The following RAB27B variants were observed in gnomAD, a reference collection of about 807,000 sequenced individuals.
The protein encoded by RAB27B is ras-related protein Rab-27B.
Under a neutral mutation model 24.6 loss-of-function variants are expected in RAB27B, and 15 were observed. That is an observed-to-expected ratio of 0.61 (90% CI 0.41 to 0.94). The LOEUF is 0.94. Ranked by LOEUF, RAB27B falls within the 40% of genes least tolerant of loss-of-function variation. The pLI is 0.00. For missense variants in RAB27B, 261 were observed against 266.8 expected, an observed-to-expected ratio of 0.98 and a Z score of 0.15; for synonymous variants, 105 against 92.5, an observed-to-expected ratio of 1.14 and a Z score of -0.78.
chr18:54,739,346 C>G (rs1357710277), intron 2 of RAB27B, among the ~76,000 whole-genome samples: 1 of 150,962 alleles, frequency 6.6e-6, no homozygotes, highest in African/African-American at 2.4e-5. Context: ...ATCCCATCTA[C>G]TTGGGATGCT....
chr18:54,887,865 C>A, intron 4 of RAB27B, 130 bp from the exon 5 acceptor site: 1 of 1,031,868 alleles, frequency 9.7e-7, no homozygotes, highest in Non-Finnish European at 1.4e-6. Context: ...GAGGAAGTAA[C>A]TTGGCCAATA....
rs373986297 is a variant in RAB27B, at chr18:54,894,698, G to A, written c.*5285G>A. On this transcript the variant is annotated 3_prime_UTR_variant, in exon 6 of 6. Coordinates refer to ENST00000262094, the MANE Select transcript of RAB27B (RefSeq NM_004163.4). Reference sequence around the variant, plus strand: ...TGTTTATATGTGCTTCACAGAGTTCGTGTCAGGCTCAAAGGAGATATGTAT... The same window carrying A: ...TGTTTATATGTGCTTCACAGAGTTCATGTCAGGCTCAAAGGAGATATGTAT... 6 of 152,002 alleles carry A rather than the reference G, an allele frequency of 3.9e-5. No individual in the cohort carries two copies. Among genetic ancestry groups the A allele is most frequent in the African/African-American group, 1.2e-4 (5 of 41,410 alleles). 9.4% of individuals were successfully genotyped at this position (152,002 alleles called of 1,614,324 possible).
intron 2 of RAB27B, among the ~76,000 whole-genome samples, chr18:54,814,655 T>C (rs941863155): frequency 6.6e-6 from 1 of 152,186 alleles, no homozygotes; most frequent in African/African-American, 2.4e-5. Context: ...GCAAGGTTTG[T>C]TAAGCATATA....
chr18:54,747,003 T>C (rs1184572226), intron 2 of RAB27B, among the ~76,000 whole-genome samples: 1 of 152,190 alleles, frequency 6.6e-6, no homozygotes. Context: ...ATTTAATGTT[T>C]CCCTGTAAAT....
intron 1 of RAB27B, among the ~76,000 whole-genome samples, chr18:54,839,423 G>C (rs899768093): frequency 3.3e-5 from 5 of 152,136 alleles, no homozygotes; most frequent in African/African-American, 4.8e-5. Flanking sequence ...AGATGAAAGA[G>C]AGTTAAAGTA....
At chr18:54,762,895 T>A (rs897816344) in intron 2 of RAB27B, among the ~76,000 whole-genome samples, 2 of 152,120 alleles carry the variant, frequency 1.3e-5, no homozygotes, top group Admixed American at 6.5e-5. Context: ...TGCTCCTATA[T>A]CCCTCACACC....
intron 2 of RAB27B, among the ~76,000 whole-genome samples, chr18:54,735,379 T>C (rs1909856567): frequency 6.6e-6 from 1 of 152,192 alleles, no homozygotes. Context: ...GTAACTACAC[T>C]TTCTGAGGCT....
At chr18:54,769,386 A>T (rs1323447356) in intron 2 of RAB27B, among the ~76,000 whole-genome samples, 2 of 152,002 alleles carry the variant, frequency 1.3e-5, no homozygotes, top group Non-Finnish European at 2.9e-5. Context: ...TTTTTAAAGT[A>T]TATTTCTTCA....
At chr18:54,762,373 A>G (rs1908218228) in intron 2 of RAB27B, among the ~76,000 whole-genome samples, 1 of 152,152 alleles carries the variant, frequency 6.6e-6, no homozygotes, top group Non-Finnish European at 1.5e-5. Flanking sequence ...AATTTTTAGT[A>G]GAGACGAGGT....
chr18:54,763,693 T>C (rs1598886619), intron 2 of RAB27B, among the ~76,000 whole-genome samples: 1 of 152,178 alleles, frequency 6.6e-6, no homozygotes, highest in African/African-American at 2.4e-5. Context: ...GCCATTTGAA[T>C]GTATTTGAAA....
chr18:54,734,147 G>C (rs1208594472), intron 2 of RAB27B, among the ~76,000 whole-genome samples: 2 of 152,064 alleles, frequency 1.3e-5, no homozygotes, highest in African/African-American at 4.8e-5. Context: ...TTTTCCTCAT[G>C]AGCTCATTTA....
At chr18:54,823,724 C>T (rs2145171116), upstream of RAB27B, among the ~76,000 whole-genome samples, 1 of 152,244 alleles carries the variant, frequency 6.6e-6, no homozygotes, top group Non-Finnish European at 1.5e-5. Flanking sequence ...TCACTTTCTC[C>T]ACTGCTTATA....
intron 2 of RAB27B, among the ~76,000 whole-genome samples, chr18:54,763,000 AC>A (rs1908240935): frequency 6.6e-6 from 1 of 152,198 alleles, no homozygotes; most frequent in Non-Finnish European, 1.5e-5. Context: ...ATTTATTTTT[AC>A]TTAATGCATT....
At chr18:54,827,146 C>A (rs1053908076), upstream of RAB27B, among the ~76,000 whole-genome samples, 2 of 152,198 alleles carry the variant, frequency 1.3e-5, no homozygotes, top group Admixed American at 6.5e-5. Flanking sequence ...TCCAAGCATA[C>A]ATACTTTGAA....
At chr18:54,833,322 G>A (rs1040215858) in intron 1 of RAB27B, among the ~76,000 whole-genome samples, 1 of 145,122 alleles carries the variant, frequency 6.9e-6, no homozygotes, top group South Asian at 2.2e-4. Flanking sequence ...CCTCCCCGGG[G>A]TTCAAGCGAT....
chr18:54,836,983 T>A (rs1187293200), intron 1 of RAB27B, among the ~76,000 whole-genome samples: 1 of 151,754 alleles, frequency 6.6e-6, no homozygotes, highest in Non-Finnish European at 1.5e-5. Context: ...GTATAATTTT[T>A]GTCTATCTGA....
At chr18:54,738,190 T>C (rs1191107608) in intron 2 of RAB27B, among the ~76,000 whole-genome samples, 1 of 152,230 alleles carries the variant, frequency 6.6e-6, no homozygotes, top group African/African-American at 2.4e-5. Context: ...ATTTATTTTA[T>C]AGCTGACTGC....
At chr18:54,879,932 T>C (rs1409032940) in intron 3 of RAB27B, 1 of 155,110 alleles carries the variant, frequency 6.4e-6, no homozygotes, top group Non-Finnish European at 1.4e-5. Flanking sequence ...TAGAATATTT[T>C]ACTCCTTCCC....
intron 2 of RAB27B, among the ~76,000 whole-genome samples, chr18:54,784,803 T>A (rs1416779561): frequency 6.6e-6 from 1 of 152,022 alleles, no homozygotes; most frequent in Non-Finnish European, 1.5e-5. Context: ...TTTGGTAGAG[T>A]GATTTATTTT....
Sources: gnomAD v4.1 joint callset for allele counts (sites outside exome capture counted in the v4.1 genomes callset) on GRCh38, gnomAD v4.1.1 for gene constraint, MANE v1.5 for transcripts, NCBI Gene and HGNC (gene_info 2026-07-23, HGNC 2026-07-21) for gene names.